COL26A1: variants seen among roughly 807,000 people sequenced by gnomAD.
COL26A1 encodes collagen type XXVI alpha 1 chain.
COL26A1 carries 41 observed loss-of-function variants against 59.3 expected under a neutral mutation model. That is an observed-to-expected ratio of 0.69 (90% confidence interval 0.54 to 0.90). COL26A1 has a LOEUF of 0.90. COL26A1 is among the 40% of genes least tolerant of loss of function. The pLI is 0.00. For synonymous variants in COL26A1, 266 were observed against 256.0 expected, an observed-to-expected ratio of 1.04 and a Z score of -0.37; for missense variants, 612 against 602.3, an observed-to-expected ratio of 1.02 and a Z score of -0.17.
In COL26A1 at chr7:101,384,230, G is replaced by GTTTTTGTTTT. The variant is rs768170962; in HGVS notation, c.158+21045_158+21046insGTTTTTTTTT. On this transcript the variant is annotated intron_variant, in intron 1 of 12. Coordinates refer to ENST00000313669, the MANE Select transcript of COL26A1 (RefSeq NM_001278563.3). ...GGGTCTTCCTATATTGTTCAGGCTG[G>GTTTTTGTTTT]TTTTTTTTTTTTTTTTTTTTTTTTA... is the stretch of plus-strand genomic sequence containing the variant. Among the ~76,000 whole-genome samples, 75 of 105,682 alleles carry GTTTTTGTTTT rather than the reference G, an allele frequency of 7.1e-4. 1 individual carries two copies. Among genetic ancestry groups the GTTTTTGTTTT allele is most frequent in the African/African-American group, 2.8e-3 (71 of 25,468 alleles). 69.3% of individuals were successfully genotyped at this position (105,682 alleles called of 152,430 possible).
chr7:101,434,081 CCTCCCTCCCTCT>C (rs1562976941), intron 2 of COL26A1, among the ~76,000 whole-genome samples: 7 of 29,774 alleles, frequency 2.4e-4, no homozygotes, highest in Middle Eastern at 0.029. Context: ...TCCCTCCCTC[CCTCCCTCCCTCT>C]TTCTTTCTGC....
chr7:101,512,648 T>C (rs1007285805), intron 3 of COL26A1, among the ~76,000 whole-genome samples: 2 of 152,048 alleles, frequency 1.3e-5, no homozygotes, highest in Non-Finnish European at 2.9e-5. Context: ...AACCTTGGCC[T>C]CTACTTCCCA....
At chr7:101,544,241 T>G in intron 6 of COL26A1, 145 bp downstream of exon 6, 1 of 615,328 alleles carries the variant, frequency 1.6e-6, no homozygotes, top group Non-Finnish European at 2.9e-6. Flanking sequence ...TTTTTTTAAT[T>G]TTTTGAGAGG....
At position 101,549,304 on chromosome 7, in the gene COL26A1, C is replaced by T. The variant is rs1009695118; in HGVS notation, c.993+81C>T. 5.6e-6 allele frequency: 5 copies of T among 886,708 alleles called. No individual in the cohort carries two copies. The African/African-American group carries it at 8.6e-5, about 15-fold the overall frequency. 54.9% of individuals were successfully genotyped at this position (886,708 alleles called of 1,614,324 possible). A position where few individuals can be genotyped will look rare whatever the true frequency, so the allele number is the denominator to read the frequency against. ...TTGTCTCCCTAGGGGAGAAGAAGCA[C>T]CTTTTTACCAGCAAGAGTCACTCAG... On this transcript the variant is annotated intron_variant, in intron 9 of 12. Coordinates refer to ENST00000313669, the MANE Select transcript of COL26A1 (RefSeq NM_001278563.3).
At chr7:101,526,249 A>G (rs1173257740) in intron 3 of COL26A1, among the ~76,000 whole-genome samples, 3 of 151,936 alleles carry the variant, frequency 2.0e-5, no homozygotes, top group Admixed American at 6.6e-5. Flanking sequence ...GGGTCTCTCC[A>G]TGTTGGCCAG....
intron 3 of COL26A1, among the ~76,000 whole-genome samples, chr7:101,469,626 A>AT (rs1178242761): frequency 6.6e-6 from 1 of 151,788 alleles, no homozygotes; most frequent in African/African-American, 2.4e-5. Context: ...AGTAGCTGGG[A>AT]TTACAGGCGT....
intron 3 of COL26A1, among the ~76,000 whole-genome samples, chr7:101,478,881 T>C (rs1794102451): frequency 6.6e-6 from 1 of 152,250 alleles, no homozygotes; most frequent in Non-Finnish European, 1.5e-5. Context: ...TTCATCATTT[T>C]GTAGCTTGCT....
intron 3 of COL26A1, among the ~76,000 whole-genome samples, chr7:101,492,258 T>A (rs182658917): frequency 3.2e-4 from 48 of 152,130 alleles, no homozygotes; most frequent in African/African-American, 1.1e-3. Context: ...ATAAAAATAA[T>A]AGCAAAAATC....
At chr7:101,374,448 C>T (rs910294739) in intron 1 of COL26A1, among the ~76,000 whole-genome samples, 8 of 152,282 alleles carry the variant, frequency 5.3e-5, no homozygotes, top group Admixed American at 1.3e-4. Context: ...GAGTGATAGG[C>T]GAAAAAGCCT....
At chr7:101,385,677 A>G (rs894945013) in intron 1 of COL26A1, among the ~76,000 whole-genome samples, 2 of 147,344 alleles carry the variant, frequency 1.4e-5, no homozygotes, top group African/African-American at 5.0e-5. Context: ...GGCCCCATAC[A>G]ATTGAAAAAA....
chr7:101,436,163 G>A (rs929428737), intron 2 of COL26A1, among the ~76,000 whole-genome samples: 1 of 152,068 alleles, frequency 6.6e-6, no homozygotes, highest in African/African-American at 2.4e-5. Flanking sequence ...GGTGAGGTGA[G>A]GTTTGGCAGA....
chr7:101,549,099 C>G, intron 8 of COL26A1, 72 bp from the exon 9 acceptor site: 1 of 750,776 alleles, frequency 1.3e-6, no homozygotes, highest in Non-Finnish European at 2.2e-6. Context: ...AGATCAAGAA[C>G]AGGTGCTGGG....
At chr7:101,522,607 T>C (rs1795160580) in intron 3 of COL26A1, among the ~76,000 whole-genome samples, 1 of 152,136 alleles carries the variant, frequency 6.6e-6, no homozygotes, top group Non-Finnish European at 1.5e-5. Flanking sequence ...ATCAGGAAGA[T>C]GTTTGATGCT....
chr7:101,504,341 T>C (rs767237462), intron 3 of COL26A1, among the ~76,000 whole-genome samples: 10 of 152,124 alleles, frequency 6.6e-5, no homozygotes, highest in Non-Finnish European at 1.5e-4. Context: ...CCTCAAATGA[T>C]CTGCTCGCCT....
intron 1 of COL26A1, among the ~76,000 whole-genome samples, chr7:101,414,590 A>G (rs377329808): frequency 1.3e-5 from 2 of 152,198 alleles, no homozygotes; most frequent in East Asian, 3.9e-4. Flanking sequence ...GGCACCTGCC[A>G]CCACACCCGG....
chr7:101,505,447 C>CT (rs201722236), intron 3 of COL26A1, among the ~76,000 whole-genome samples: 8 of 149,136 alleles, frequency 5.4e-5, no homozygotes, highest in Non-Finnish European at 7.5e-5. Flanking sequence ...TGTGTGTATA[C>CT]TTTTTTTTTT....
intron 2 of COL26A1, among the ~76,000 whole-genome samples, chr7:101,438,724 G>A (rs1344825245): frequency 2.6e-5 from 4 of 151,468 alleles, no homozygotes; most frequent in Non-Finnish European, 1.5e-5. Flanking sequence ...AGGCTGGAGT[G>A]CAGTGGTGTG....
chr7:101,396,872 T>A (rs938352949), intron 1 of COL26A1, among the ~76,000 whole-genome samples: 5 of 152,068 alleles, frequency 3.3e-5, no homozygotes, highest in Admixed American at 6.6e-5. Flanking sequence ...CAAGACCCAG[T>A]GGAGATCAGA....
At chr7:101,443,298 A>G (rs1053444008) in intron 2 of COL26A1, among the ~76,000 whole-genome samples, 2 of 152,096 alleles carry the variant, frequency 1.3e-5, no homozygotes, top group African/African-American at 4.8e-5. Context: ...GCTGCACACA[A>G]CCACGCTACC....
Sources: allele counts gnomAD v4.1 joint callset (sites outside exome capture counted in the v4.1 genomes callset), GRCh38; gene constraint gnomAD v4.1.1; transcripts MANE v1.5; gene names NCBI Gene and HGNC (gene_info 2026-07-23, HGNC 2026-07-21).